Variants in SEMA5A observed in about 807,000 individuals in gnomAD.
SEMA5A encodes semaphorin-5A.
In SEMA5A, 55 loss-of-function variants were observed where a neutral mutation model predicts 135.5. That is an observed-to-expected ratio of 0.41 (90% CI 0.33 to 0.51). The LOEUF (loss-of-function observed/expected upper bound fraction) is 0.51. Ranked by LOEUF, SEMA5A falls within the 20% of genes least tolerant of loss-of-function variation. SEMA5A has a pLI of 0.37. For synonymous variants in SEMA5A, 580 were observed against 546.5 expected, an observed-to-expected ratio of 1.06 and a Z score of -0.85; for missense variants, 1,290 against 1,419.9, an observed-to-expected ratio of 0.91 and a Z score of 1.47.
chr5:9,464,238 C>G (rs573517395), intron 1 of SEMA5A, among the ~76,000 whole-genome samples: 5 of 152,152 alleles, frequency 3.3e-5, no homozygotes, highest in Non-Finnish European at 5.9e-5. Context: ...GTATAACTTT[C>G]AAATGAGGCC....
chr5:9,358,839 G>A (rs575947444), intron 3 of SEMA5A, among the ~76,000 whole-genome samples: 19 of 152,180 alleles, frequency 1.2e-4, no homozygotes, highest in Non-Finnish European at 2.4e-4. Context: ...TCTATGCTAT[G>A]ACAAATATGC....
At chr5:9,519,807 G>A (rs1384049553) in intron 1 of SEMA5A, 1 of 152,222 alleles carries the variant, frequency 6.6e-6, no homozygotes, top group Admixed American at 6.5e-5. Context: ...TCGCGGTCCA[G>A]TGCTTTCTCT....
intron 1 of SEMA5A, among the ~76,000 whole-genome samples, chr5:9,449,754 C>T (rs754178387): frequency 4.6e-5 from 7 of 152,050 alleles, no homozygotes; most frequent in Non-Finnish European, 8.8e-5. Context: ...TAAGCCTCAC[C>T]CAGATCTAGA....
At chr5:9,089,755 GA>G (rs1465839558) in intron 16 of SEMA5A, among the ~76,000 whole-genome samples, 1 of 152,116 alleles carries the variant, frequency 6.6e-6, no homozygotes. Context: ...CACTAAGTAT[GA>G]TAATGTTTGT....
intron 2 of SEMA5A, among the ~76,000 whole-genome samples, chr5:9,394,477 A>G (rs1056657668): frequency 3.3e-5 from 5 of 152,124 alleles, no homozygotes; most frequent in African/African-American, 1.2e-4. Flanking sequence ...ACAAGACCAG[A>G]GCCTGGCCTG....
At chr5:9,420,379 G>A (rs1051028612) in intron 2 of SEMA5A, among the ~76,000 whole-genome samples, 1 of 152,180 alleles carries the variant, frequency 6.6e-6, no homozygotes, top group African/African-American at 2.4e-5. Context: ...TGCACTCATA[G>A]AAGAGGAAAA....
At chr5:9,286,100 T>C (rs1205778565) in intron 5 of SEMA5A, among the ~76,000 whole-genome samples, 1 of 152,142 alleles carries the variant, frequency 6.6e-6, no homozygotes, top group African/African-American at 2.4e-5. Flanking sequence ...CACTAAGTGA[T>C]ATTTATATCT....
intron 5 of SEMA5A, among the ~76,000 whole-genome samples, chr5:9,253,792 A>G (rs1429265112): frequency 6.6e-6 from 1 of 152,150 alleles, no homozygotes; most frequent in Non-Finnish European, 1.5e-5. Flanking sequence ...TTCCTGTGCC[A>G]TCTACACCAG....
intron 5 of SEMA5A, among the ~76,000 whole-genome samples, chr5:9,276,363 T>C (rs1367745546): frequency 6.6e-6 from 1 of 152,148 alleles, no homozygotes; most frequent in African/African-American, 2.4e-5. Flanking sequence ...AGAATCAATA[T>C]TGTGAAAATG....
At chr5:9,420,060 C>G (rs776347420) in intron 2 of SEMA5A, among the ~76,000 whole-genome samples, 1 of 152,034 alleles carries the variant, frequency 6.6e-6, no homozygotes, top group Non-Finnish European at 1.5e-5. Flanking sequence ...GGCCTTTGTT[C>G]CCGGGCTGAA....
intron 11 of SEMA5A, among the ~76,000 whole-genome samples, chr5:9,189,177 A>G (rs967055695): frequency 2.6e-5 from 4 of 152,238 alleles, no homozygotes; most frequent in African/African-American, 7.2e-5. Context: ...CTAACTAGCA[A>G]ATGCAGGAGC....
intron 5 of SEMA5A, among the ~76,000 whole-genome samples, chr5:9,251,285 A>G (rs1748770920): frequency 6.6e-6 from 1 of 152,162 alleles, no homozygotes; most frequent in African/African-American, 2.4e-5. Context: ...GCCTATGGTA[A>G]TCTAACAGCA....
intron 10 of SEMA5A, among the ~76,000 whole-genome samples, chr5:9,196,960 G>A (rs1229529659): frequency 6.6e-6 from 1 of 152,176 alleles, no homozygotes; most frequent in African/African-American, 2.4e-5. Context: ...CTGACAAAAG[G>A]CCCTTTCTGG....
chr5:9,217,649 T>C (rs958467425), intron 8 of SEMA5A, among the ~76,000 whole-genome samples: 6 of 152,230 alleles, frequency 3.9e-5, no homozygotes, highest in African/African-American at 1.4e-4. Context: ...ATTTGGTGTC[T>C]TTACCTCTTT....
At chr5:9,274,807 G>A (rs1156816332) in intron 5 of SEMA5A, among the ~76,000 whole-genome samples, 1 of 152,174 alleles carries the variant, frequency 6.6e-6, no homozygotes, top group African/African-American at 2.4e-5. Context: ...CAATGTACCA[G>A]AATCTCTGGG....
At chr5:9,126,414 G>A (rs371831692) in intron 13 of SEMA5A, among the ~76,000 whole-genome samples, 5 of 152,132 alleles carry the variant, frequency 3.3e-5, no homozygotes, top group African/African-American at 9.7e-5. Context: ...GAGAGTTAGT[G>A]GGGAGGGAGA....
chr5:9,450,668 C>A (rs1276724126), intron 1 of SEMA5A, among the ~76,000 whole-genome samples: 3 of 151,996 alleles, frequency 2.0e-5, no homozygotes, highest in African/African-American at 7.3e-5. Context: ...CTTCTCACTG[C>A]CCAGTTTTCT....
At chr5:9,062,285 A>G (rs1737225470) in intron 18 of SEMA5A, among the ~76,000 whole-genome samples, 1 of 152,086 alleles carries the variant, frequency 6.6e-6, no homozygotes, top group South Asian at 2.1e-4. Context: ...ATCTTTTTAT[A>G]CAGACAACTA....
At chr5:9,311,642 T>C (rs1488537147) in intron 5 of SEMA5A, among the ~76,000 whole-genome samples, 1 of 151,782 alleles carries the variant, frequency 6.6e-6, no homozygotes, top group Admixed American at 6.6e-5. Flanking sequence ...TACCTAAAGC[T>C]AAATGATGAG....
Sources: gnomAD v4.1 joint callset for allele counts (sites outside exome capture counted in the v4.1 genomes callset) on GRCh38, gnomAD v4.1.1 for gene constraint, MANE v1.5 for transcripts, NCBI Gene and HGNC (gene_info 2026-07-23, HGNC 2026-07-21) for gene names.